HS3ST4: variants seen among roughly 807,000 people sequenced by gnomAD.
The protein encoded by HS3ST4 is heparan sulfate glucosamine 3-O-sulfotransferase 4.
Under a neutral mutation model 29.2 loss-of-function variants are expected in HS3ST4, and 17 were observed. That is an observed-to-expected ratio of 0.58 (90% confidence interval 0.40 to 0.87). The LOEUF is 0.87. Ranked by LOEUF, HS3ST4 falls within the 40% of genes least tolerant of loss-of-function variation. The pLI is 0.00. For synonymous variants in HS3ST4, 314 were observed against 285.7 expected (o/e 1.10, Z -1.00); for missense variants, 627 against 634.5 (o/e 0.99, Z 0.13).
chr16:26,020,083 A>G (rs1019624749), intron 1 of HS3ST4, among the ~76,000 whole-genome samples: 1 of 152,094 alleles, frequency 6.6e-6, no homozygotes, highest in African/African-American at 2.4e-5. Context: ...CTCGGATCCC[A>G]CCTGTCTTGC....
At chr16:26,011,801 A>G (rs764242558) in intron 1 of HS3ST4, among the ~76,000 whole-genome samples, 4 of 151,966 alleles carry the variant, frequency 2.6e-5, no homozygotes, top group African/African-American at 9.7e-5. Context: ...GCAAGAGAAA[A>G]GACATCCCTG....
At chr16:25,907,633 C>G (rs942006220) in intron 1 of HS3ST4, among the ~76,000 whole-genome samples, 1 of 152,192 alleles carries the variant, frequency 6.6e-6, no homozygotes, top group Non-Finnish European at 1.5e-5. Flanking sequence ...CAAAGATACC[C>G]TTATCCTAAC....
intron 1 of HS3ST4, among the ~76,000 whole-genome samples, chr16:25,830,596 G>A (rs771668608): frequency 2.6e-5 from 4 of 152,154 alleles, no homozygotes; most frequent in Non-Finnish European, 5.9e-5. Context: ...TGGATGTCTT[G>A]ATTTCCCCCA....
intron 1 of HS3ST4, among the ~76,000 whole-genome samples, chr16:26,011,593 A>G (rs1969311132): frequency 6.6e-6 from 1 of 152,198 alleles, no homozygotes; most frequent in African/African-American, 2.4e-5. Flanking sequence ...TGTTTAAAAT[A>G]CATGACCACG....
chr16:25,961,102 T>C (rs9928833), intron 1 of HS3ST4, among the ~76,000 whole-genome samples: 44,270 of 152,106 alleles, frequency 0.29, 8,575 homozygotes, highest in African/African-American at 0.56. Flanking sequence ...CAGTTTAATA[T>C]ATCTTCCATC....
chr16:25,701,518 C>G (rs1966334622), intron 1 of HS3ST4, among the ~76,000 whole-genome samples: 2 of 152,250 alleles, frequency 1.3e-5, no homozygotes, highest in African/African-American at 4.8e-5. Flanking sequence ...CCAGTTAAGC[C>G]AGATGTACGT....
intron 1 of HS3ST4, among the ~76,000 whole-genome samples, chr16:25,976,315 T>C (rs1035066838): frequency 6.6e-6 from 1 of 152,098 alleles, no homozygotes; most frequent in African/African-American, 2.4e-5. Context: ...TTATTTCTTT[T>C]CTTTTTTTGA....
intron 1 of HS3ST4, among the ~76,000 whole-genome samples, chr16:25,782,153 A>C (rs1414461563): frequency 6.6e-6 from 1 of 152,134 alleles, no homozygotes; most frequent in Non-Finnish European, 1.5e-5. Context: ...ATAATTTACA[A>C]AATCATCCGA....
rs933381404 is a variant in HS3ST4, at chr16:26,113,468, T to A, written c.735-22144T>A. 1.5e-4 allele frequency among the ~76,000 whole-genome samples: 12 copies of A among 82,532 alleles called. No homozygotes were observed. The East Asian group carries it at 2.1e-3, about 14-fold the overall frequency. The allele number at this position is 82,532 out of a possible 152,430, so 54.1% of individuals were successfully genotyped here. Reference sequence around the variant, plus strand: ...CTCAAAAAAAAGAAAATACAATATATGATGTGTGTGTGTGTGTGTGTGTGT... The same window carrying A: ...CTCAAAAAAAAGAAAATACAATATAAGATGTGTGTGTGTGTGTGTGTGTGT... On this transcript the variant is annotated intron_variant, in intron 1 of 1. Coordinates refer to ENST00000331351, the MANE Select transcript of HS3ST4 (RefSeq NM_006040.3).
At chr16:25,761,581 C>T (rs970909971) in intron 1 of HS3ST4, among the ~76,000 whole-genome samples, 8 of 152,174 alleles carry the variant, frequency 5.3e-5, no homozygotes, top group African/African-American at 1.9e-4. Flanking sequence ...AAGTCATCCA[C>T]ATCAGCCTAA....
At chr16:25,715,262 C>T (rs1160415265) in intron 1 of HS3ST4, among the ~76,000 whole-genome samples, 10 of 143,312 alleles carry the variant, frequency 7.0e-5, no homozygotes, top group Non-Finnish European at 1.5e-4. Context: ...GCGGAGCTTG[C>T]AGTGAGCCGA....
intron 1 of HS3ST4, among the ~76,000 whole-genome samples, chr16:25,790,437 A>G (rs1240514964): frequency 1.3e-5 from 2 of 152,164 alleles, no homozygotes; most frequent in Non-Finnish European, 2.9e-5. Context: ...AAAAACAAAC[A>G]AATAAAAACT....
At chr16:25,863,096 A>G (rs1967655055) in intron 1 of HS3ST4, among the ~76,000 whole-genome samples, 1 of 152,014 alleles carries the variant, frequency 6.6e-6, no homozygotes. Context: ...TCATTTTTCT[A>G]TCCTCTAACC....
chr16:25,953,280 C>T (rs1968699112), intron 1 of HS3ST4, among the ~76,000 whole-genome samples: 2 of 152,170 alleles, frequency 1.3e-5, no homozygotes, highest in African/African-American at 4.8e-5. Context: ...TATGCTTCAT[C>T]AGGAACCCAA....
intron 1 of HS3ST4, among the ~76,000 whole-genome samples, chr16:25,836,887 T>A (rs1967361702): frequency 6.6e-6 from 1 of 152,202 alleles, no homozygotes; most frequent in African/African-American, 2.4e-5. Context: ...GGACTATGGA[T>A]ATGGTACCTC....
intron 1 of HS3ST4, among the ~76,000 whole-genome samples, chr16:25,843,332 C>G (rs958650961): frequency 6.6e-6 from 1 of 152,142 alleles, no homozygotes; most frequent in Non-Finnish European, 1.5e-5. Context: ...GGGATTCTTA[C>G]AGCATGATGG....
intron 1 of HS3ST4, among the ~76,000 whole-genome samples, chr16:25,769,088 G>A (rs571086044): frequency 1.1e-4 from 16 of 152,304 alleles, no homozygotes; most frequent in African/African-American, 2.9e-4. Context: ...GCACACATAC[G>A]AATCTGGAGT....
intron 1 of HS3ST4, among the ~76,000 whole-genome samples, chr16:25,942,080 G>A (rs1968577818): frequency 6.6e-6 from 1 of 152,160 alleles, no homozygotes; most frequent in African/African-American, 2.4e-5. Flanking sequence ...GAATTTGGGG[G>A]ATGAATAGAA....
At chr16:25,858,848 C>T (rs1198475493) in intron 1 of HS3ST4, among the ~76,000 whole-genome samples, 1 of 152,056 alleles carries the variant, frequency 6.6e-6, no homozygotes, top group East Asian at 1.9e-4. Flanking sequence ...GAGCTCTGAA[C>T]ACTTTGTATG....
Sources: gnomAD v4.1 joint callset for allele counts (sites outside exome capture counted in the v4.1 genomes callset) on GRCh38, gnomAD v4.1.1 for gene constraint, MANE v1.5 for transcripts, NCBI Gene and HGNC (gene_info 2026-07-23, HGNC 2026-07-21) for gene names.